The following DLG2 variants were observed in gnomAD, a reference collection of about 807,000 sequenced individuals.
The protein encoded by DLG2 is disks large homolog 2.
DLG2 carries 45 observed loss-of-function variants against 132.5 expected under a neutral mutation model. The ratio of observed to expected loss-of-function variants is 0.34; its 90% CI spans 0.27 to 0.44. The LOEUF (loss-of-function observed/expected upper bound fraction) is 0.44, where lower values mean the gene tolerates loss of function less well. DLG2 is among the 20% of genes least tolerant of loss of function. DLG2 has a pLI of 1.00. For missense variants in DLG2, 1,045 were observed against 1,196.9 expected, an observed-to-expected ratio of 0.87 and a Z score of 1.87; for synonymous variants, 424 against 419.6, an observed-to-expected ratio of 1.01 and a Z score of -0.13.
At chr11:85,152,290 G>A (rs1000069734) in intron 5 of DLG2, among the ~76,000 whole-genome samples, 2 of 150,990 alleles carry the variant, frequency 1.3e-5, no homozygotes, top group African/African-American at 4.9e-5. Flanking sequence ...ACCCATGCTG[G>A]AGTGCAGTGG....
intron 6 of DLG2, among the ~76,000 whole-genome samples, chr11:84,659,967 CAT>C (rs2099692719): frequency 6.6e-6 from 1 of 152,136 alleles, no homozygotes; most frequent in South Asian, 2.1e-4. Flanking sequence ...CTCATGGAGT[CAT>C]GAGCACATTA....
At chr11:83,478,706 A>AT (rs2092828443) in intron 22 of DLG2, among the ~76,000 whole-genome samples, 1 of 152,092 alleles carries the variant, frequency 6.6e-6, no homozygotes. Context: ...GAACTGAAAG[A>AT]TAAAGCATGA....
At chr11:84,882,550 C>T (rs996068520) in intron 6 of DLG2, among the ~76,000 whole-genome samples, 4 of 151,986 alleles carry the variant, frequency 2.6e-5, no homozygotes, top group Admixed American at 6.6e-5. Flanking sequence ...AGCACCAGAG[C>T]GCCCCTGAGT....
At chr11:84,880,796 A>C (rs975609878) in intron 6 of DLG2, among the ~76,000 whole-genome samples, 4 of 152,164 alleles carry the variant, frequency 2.6e-5, no homozygotes, top group Non-Finnish European at 5.9e-5. Flanking sequence ...AGGAGAGTAC[A>C]CATAAAAATT....
chr11:85,235,565 G>A (rs2075540936), intron 4 of DLG2, among the ~76,000 whole-genome samples: 2 of 151,856 alleles, frequency 1.3e-5, no homozygotes, highest in Non-Finnish European at 2.9e-5. Flanking sequence ...ATTTTAACAA[G>A]GGAGTTGGGG....
At chr11:84,210,397 G>T (rs1391268543) in intron 8 of DLG2, among the ~76,000 whole-genome samples, 3 of 120,074 alleles carry the variant, frequency 2.5e-5, no homozygotes, top group Non-Finnish European at 3.4e-5. Context: ...GGGGTGGGGG[G>T]AGCGGGGAGG....
At chr11:85,566,044 C>T (rs1460010409) in intron 3 of DLG2, among the ~76,000 whole-genome samples, 1 of 152,142 alleles carries the variant, frequency 6.6e-6, no homozygotes, top group East Asian at 1.9e-4. Context: ...CATAGCCACC[C>T]AAGTGGGTGT....
chr11:85,241,635 T>G (rs182965461), intron 4 of DLG2, among the ~76,000 whole-genome samples: 9 of 151,978 alleles, frequency 5.9e-5, no homozygotes, highest in Non-Finnish European at 1.0e-4. Flanking sequence ...AGAATCAGAT[T>G]GTTAAATCAG....
chr11:83,830,584 C>T (rs1285140668), intron 17 of DLG2, among the ~76,000 whole-genome samples: 1 of 152,184 alleles, frequency 6.6e-6, no homozygotes, highest in Non-Finnish European at 1.5e-5. Flanking sequence ...AGTATTAGTT[C>T]TTTATTGCTT....
At chr11:84,015,565 G>T (rs1170669312) in intron 11 of DLG2, among the ~76,000 whole-genome samples, 1 of 152,070 alleles carries the variant, frequency 6.6e-6, no homozygotes, top group African/African-American at 2.4e-5. Flanking sequence ...GCCCCAGTGT[G>T]TCTTGTTTCC....
At chr11:84,577,402 T>C (rs966030082) in intron 6 of DLG2, among the ~76,000 whole-genome samples, 3 of 152,184 alleles carry the variant, frequency 2.0e-5, no homozygotes, top group Admixed American at 2.0e-4. Flanking sequence ...TGGAGACTTG[T>C]TGACTGGCTT....
At chr11:83,804,568 G>A (rs1033322687) in intron 17 of DLG2, among the ~76,000 whole-genome samples, 1 of 62,374 alleles carries the variant, frequency 1.6e-5, no homozygotes, top group Non-Finnish European at 3.2e-5. Flanking sequence ...CTACCTATCT[G>A]CCTAGCAGAA....
intron 18 of DLG2, among the ~76,000 whole-genome samples, chr11:83,736,579 G>A (rs766859168): frequency 4.6e-5 from 7 of 152,098 alleles, no homozygotes; most frequent in African/African-American, 7.2e-5. Flanking sequence ...TGCTGACAGC[G>A]CTGGTTAATA....
At chr11:85,020,618 A>T in intron 6 of DLG2, among the ~76,000 whole-genome samples, 1 of 152,150 alleles carries the variant, frequency 6.6e-6, no homozygotes, top group East Asian at 1.9e-4. Context: ...TCTTTAATCC[A>T]TCTTGAATTT....
chr11:84,906,002 G>A (rs533899394), intron 6 of DLG2, among the ~76,000 whole-genome samples: 1 of 152,220 alleles, frequency 6.6e-6, no homozygotes, highest in South Asian at 2.1e-4. Flanking sequence ...TCATCTGGCA[G>A]TTAAAGCCTA....
chr11:84,534,662 C>T lies in DLG2; in HGVS notation c.427G>A (p.Gly143Ser). 6.2e-7 allele frequency: 1 copy of T among 1,614,008 alleles called. No homozygotes were observed. Among genetic ancestry groups the T allele is most frequent in the Non-Finnish European group, 8.5e-7 (1 of 1,179,916 alleles). ...SLPRLTHEVR[G>S]PELVHVSEKN... ...TCTGATACATGCACGAGTTCTGGGC[C>T]TCTTACTTCGTGGGTTAGTCGAGGT... The change falls in exon 7 of 28, where the codon GGC becomes AGC. Residue 143 changes from glycine (G) to serine (S), a missense_variant. By Grantham distance (56) the Gly-to-Ser change is moderately conservative. This residue lies in a region of DLG2 where 277 missense variants were observed against 238.2 expected (regional missense o/e 1.16). Transcript: ENST00000376104.
chr11:83,636,282 G>A (rs1335769035), intron 18 of DLG2, among the ~76,000 whole-genome samples: 1 of 152,098 alleles, frequency 6.6e-6, no homozygotes, highest in East Asian at 1.9e-4. Context: ...TCTGAGGGCA[G>A]GAAATATTTT....
chr11:84,905,687 T>C (rs2091421167), intron 6 of DLG2, among the ~76,000 whole-genome samples: 1 of 152,190 alleles, frequency 6.6e-6, no homozygotes, highest in South Asian at 2.1e-4. Flanking sequence ...AAAGTAAGCA[T>C]GGGCTGACTT....
intron 7 of DLG2, among the ~76,000 whole-genome samples, chr11:84,373,272 A>AAAAAAAAAAAAAAAACAG (rs2098716058): frequency 8.2e-6 from 1 of 122,098 alleles, no homozygotes; most frequent in African/African-American, 2.6e-5. Context: ...AAACAAAACA[A>AAAAAAAAAAAAAAAACAG]AAAAAAAACC....
Sources: gnomAD v4.1 joint callset for allele counts (sites outside exome capture counted in the v4.1 genomes callset) on GRCh38, gnomAD v4.1.1 for gene constraint, gnomAD v4.1.1 regional missense constraint, MANE v1.5 for transcripts, NCBI Gene and HGNC (gene_info 2026-07-23, HGNC 2026-07-21) for gene names.